Variants in PLEKHA2 observed in about 807,000 individuals in gnomAD.
PLEKHA2 encodes the protein pleckstrin homology domain-containing family A member 2.
PLEKHA2 carries 28 observed loss-of-function variants against 53.2 expected under a neutral mutation model. The observed-to-expected ratio is 0.53, with a 90% CI of 0.39 to 0.72. PLEKHA2 has a LOEUF of 0.72. Ranked by LOEUF, PLEKHA2 falls within the 30% of genes least tolerant of loss-of-function variation. The pLI, the probability that PLEKHA2 is intolerant of heterozygous loss-of-function variation, is 0.00. For missense variants in PLEKHA2, 426 were observed against 537.9 expected, an observed-to-expected ratio of 0.79 and a Z score of 2.06; for synonymous variants, 193 against 196.4, an observed-to-expected ratio of 0.98 and a Z score of 0.14.
Position 38,945,894 on chromosome 8 carries a change from T to C in PLEKHA2, c.248-230T>C, listed in dbSNP as rs115975312. 3.7e-3 allele frequency among the ~76,000 whole-genome samples: 556 copies of C among 152,320 alleles called. 7 individuals are homozygous for C. The highest frequency in any genetic ancestry group is 0.013 in the African/African-American group (528 of 41,568). Reference sequence around the variant, plus strand: ...CTGCTGTTAACATGGTCAGGTGTTGTTCCTGTGGCCAATGGGATGTTTTTA... The same window carrying C: ...CTGCTGTTAACATGGTCAGGTGTTGCTCCTGTGGCCAATGGGATGTTTTTA... On this transcript the variant is annotated intron_variant, in intron 4 of 11. Transcript: ENST00000617275.
At chr8:38,967,463 C>G (rs937189258) in intron 10 of PLEKHA2, among the ~76,000 whole-genome samples, 1 of 152,092 alleles carries the variant, frequency 6.6e-6, no homozygotes, top group Non-Finnish European at 1.5e-5. Flanking sequence ...AATTTACATG[C>G]CTTTCAGCAG....
intron 11 of PLEKHA2, 22 bp downstream of exon 11, chr8:38,968,691 GCA>G (rs796851625): frequency 6.2e-7 from 1 of 1,612,636 alleles, no homozygotes; most frequent in Non-Finnish European, 8.5e-7. Flanking sequence ...CCTTTCTGTT[GCA>G]CAGTGTCAAC....
At chr8:38,950,027 G>A (rs1265850416) in intron 5 of PLEKHA2, among the ~76,000 whole-genome samples, 1 of 151,912 alleles carries the variant, frequency 6.6e-6, no homozygotes, top group Non-Finnish European at 1.5e-5. Context: ...CATGTTCCTG[G>A]TTCCTTTTAT....
At chr8:38,923,137 A>C (rs1286764502) in intron 2 of PLEKHA2, among the ~76,000 whole-genome samples, 1 of 152,194 alleles carries the variant, frequency 6.6e-6, no homozygotes, top group African/African-American at 2.4e-5. Context: ...CAATGCCCGG[A>C]TGCCAATATT....
intron 10 of PLEKHA2, among the ~76,000 whole-genome samples, chr8:38,963,263 G>GA (rs1437464863): frequency 6.6e-6 from 1 of 152,180 alleles, no homozygotes; most frequent in Admixed American, 6.5e-5. Context: ...CCGAGCACCA[G>GA]AAACAGGTGC....
intron 1 of PLEKHA2, among the ~76,000 whole-genome samples, chr8:38,909,925 C>G (rs79550118): frequency 6.6e-6 from 1 of 151,808 alleles, no homozygotes; most frequent in Non-Finnish European, 1.5e-5. Flanking sequence ...TCATATAAAA[C>G]TTCCCACTTT....
intron 3 of PLEKHA2, among the ~76,000 whole-genome samples, chr8:38,942,244 A>T (rs894795383): frequency 6.6e-6 from 1 of 152,118 alleles, no homozygotes; most frequent in African/African-American, 2.4e-5. Context: ...TCTAAAAAAA[A>T]AATGGAAAAA....
intron 2 of PLEKHA2, among the ~76,000 whole-genome samples, chr8:38,923,962 G>A (rs931026989): frequency 2.0e-5 from 3 of 151,736 alleles, no homozygotes; most frequent in African/African-American, 7.3e-5. Context: ...AGAAATTCTC[G>A]TGCCTCAGCC....
chr8:38,918,502 ACCAGACACACAC>A (rs1834109342), intron 2 of PLEKHA2, among the ~76,000 whole-genome samples: 1 of 10,732 alleles, frequency 9.3e-5, no homozygotes. Flanking sequence ...CAACCCATAC[ACCAGACACACAC>A]CATACACACA....
intron 10 of PLEKHA2, among the ~76,000 whole-genome samples, chr8:38,962,727 G>T (rs974512028): frequency 6.6e-6 from 1 of 152,244 alleles, no homozygotes; most frequent in African/African-American, 2.4e-5. Context: ...TGAGAAATGT[G>T]GTGCAAACTG....
intron 3 of PLEKHA2, 84 bp downstream of exon 3, chr8:38,936,134 G>T (rs527963148): frequency 4.7e-5 from 68 of 1,440,022 alleles, no homozygotes; most frequent in Non-Finnish European, 6.1e-5. Flanking sequence ...AGTCCTTTGG[G>T]CATTAGTATT....
At chr8:38,909,648 T>C (rs2152364390) in intron 1 of PLEKHA2, among the ~76,000 whole-genome samples, 1 of 152,304 alleles carries the variant, frequency 6.6e-6, no homozygotes, top group South Asian at 2.1e-4. Context: ...AGAGAGATAT[T>C]TGGGGCTGCA....
intron 2 of PLEKHA2, among the ~76,000 whole-genome samples, chr8:38,918,494 A>ACACACAC (rs1834108657): frequency 2.5e-5 from 2 of 79,532 alleles, no homozygotes; most frequent in African/African-American, 4.8e-5. Flanking sequence ...CATACACACA[A>ACACACAC]CCCATACACC....
intron 2 of PLEKHA2, among the ~76,000 whole-genome samples, chr8:38,930,393 G>A (rs1338657795): frequency 6.6e-6 from 1 of 152,036 alleles, no homozygotes; most frequent in Non-Finnish European, 1.5e-5. Flanking sequence ...TAGTAGAGAA[G>A]GGGTTTCACC....
At chr8:38,958,399 A>G (rs1326444452) in intron 10 of PLEKHA2, among the ~76,000 whole-genome samples, 2 of 152,196 alleles carry the variant, frequency 1.3e-5, no homozygotes, top group South Asian at 2.1e-4. Context: ...TGGTTTCCCA[A>G]CTAAAGCTTT....
At chr8:38,932,854 G>A (rs911698211) in intron 2 of PLEKHA2, among the ~76,000 whole-genome samples, 4 of 152,218 alleles carry the variant, frequency 2.6e-5, no homozygotes, top group Non-Finnish European at 4.4e-5. Context: ...CTGGTGGAGA[G>A]GACGTACAGT....
chr8:38,907,979 C>T (rs935194591), intron 1 of PLEKHA2, among the ~76,000 whole-genome samples: 1 of 152,018 alleles, frequency 6.6e-6, no homozygotes, highest in Admixed American at 6.6e-5. Flanking sequence ...CCCTAGCCTC[C>T]CCAATAGTTG....
At chr8:38,904,829 G>T (rs1191179141) in intron 1 of PLEKHA2, among the ~76,000 whole-genome samples, 1 of 152,202 alleles carries the variant, frequency 6.6e-6, no homozygotes, top group Admixed American at 6.5e-5. Context: ...AAGCAACTTT[G>T]CAGTAGTAAT....
Position 38,970,324 on chromosome 8 carries a change from G to C in PLEKHA2, c.*541G>C. The C allele has an allele frequency of 3.5e-6, 1 of 287,790 alleles. No homozygotes were observed. Among genetic ancestry groups the C allele is most frequent in the East Asian group, 6.3e-5 (1 of 15,768 alleles). 17.8% of individuals were successfully genotyped at this position (287,790 alleles called of 1,614,324 possible). On this transcript the variant is annotated 3_prime_UTR_variant, in exon 12 of 12. Coordinates refer to ENST00000617275, the MANE Select transcript of PLEKHA2 (RefSeq NM_021623.2). ...GCTGTTGCCCTTTGAATGAAGCCTTGTGTGCTTGCATGATCAGACCCTGTA... is the reference window on the plus strand; with the variant it reads ...GCTGTTGCCCTTTGAATGAAGCCTTCTGTGCTTGCATGATCAGACCCTGTA...
Sources: allele counts gnomAD v4.1 joint callset (sites outside exome capture counted in the v4.1 genomes callset), GRCh38; gene constraint gnomAD v4.1.1; transcripts MANE v1.5; gene names NCBI Gene and HGNC (gene_info 2026-07-23, HGNC 2026-07-21).